PDZD7: variants seen among roughly 807,000 people sequenced by gnomAD.
The protein encoded by PDZD7 is PDZ domain containing 7.
Under a neutral mutation model 84.7 loss-of-function variants are expected in PDZD7, and 72 were observed. That is an observed-to-expected ratio of 0.85 (90% CI 0.70 to 1.03). The LOEUF is 1.03. Ranked by LOEUF, PDZD7 falls within the 50% of genes least tolerant of loss-of-function variation. The pLI is 0.00. For missense variants in PDZD7, 1,490 were observed against 1,412.9 expected (o/e 1.05, Z -0.87); for synonymous variants, 594 against 580.7 (o/e 1.02, Z -0.33).
intron 9 of PDZD7, 174 bp downstream of exon 9, chr10:101,017,906 AAGAAAGAAAAGAAAGAAAG>A (rs1295358032): frequency 2.1e-5 from 10 of 470,870 alleles, no homozygotes; most frequent in Middle Eastern, 5.7e-4. Flanking sequence ...GAAAGAAAGA[AAGAAAGAAAAGAAAGAAAG>A]AAAAAGAAAT....
In PDZD7 at chr10:101,008,770, CCGA is replaced by C. The variant is rs770336804; in HGVS notation, c.2796_2798del (p.Arg933del). Reference sequence around the variant, plus strand: ...GCTCCCGGGCCTTGTTTCGATAAGCCCGACGGATGGTGTCTACTGCACGCTGGT... The same window carrying C: ...GCTCCCGGGCCTTGTTTCGATAAGCCCGGATGGTGTCTACTGCACGCTGGT... On this transcript the variant is annotated inframe_deletion, in exon 17 of 17. Coordinates refer to ENST00000619208, the MANE Select transcript of PDZD7 (RefSeq NM_001195263.2). 21 of 1,535,494 alleles carry C rather than the reference CCGA, an allele frequency of 1.4e-5. 1 individual carries two copies. The Admixed American group carries it at 1.8e-4, about 13-fold the overall frequency.
rs1852402697 is a variant in PDZD7, at chr10:101,011,815, C to T, written c.1934-54G>A. On this transcript the variant is annotated intron_variant, in intron 13 of 16. Coordinates refer to ENST00000619208, the MANE Select transcript of PDZD7 (RefSeq NM_001195263.2). ...CAAGGTACCCCGCCAGGCTCCGGGA[C>T]GGAGGCAGCTCAAGGGGCTCGGCAA... 9.0e-6 allele frequency: 14 copies of T among 1,550,396 alleles called. 1 individual carries two copies. The South Asian group carries it at 1.5e-4, about 17-fold the overall frequency.
chr10:101,018,417 A>ACGC, intron 8 of PDZD7, 121 bp from the exon 9 acceptor site: 3 of 1,071,388 alleles, frequency 2.8e-6, no homozygotes, highest in South Asian at 2.8e-5. Context: ...ATCTGCAGCT[A>ACGC]CGCCGGGGTG....
At position 101,030,069 on chromosome 10, in the gene PDZD7, G is replaced by A. The variant is rs199892353; in HGVS notation, c.151C>T (p.Leu51=). 1 of 1,613,518 alleles carries A rather than the reference G, an allele frequency of 6.2e-7. No homozygotes were observed. Among genetic ancestry groups the A allele is most frequent in the Non-Finnish European group, 8.5e-7 (1 of 1,179,940 alleles). ...CGGATTCCGCGGGGGGGCCCGTTCA[G>A]CAGCCGTTGTTGCTTCCTTAGCAGG... ...RYLLRKQQRL[L]NGPPRGIRAS... Residue 51 remains leucine, a synonymous_variant, in exon 2 of 17, where the codon CTG becomes TTG. Transcript: ENST00000619208.
chr10:101,014,695 C>CACACAT lies in PDZD7; in HGVS notation c.1749+940_1749+941insATGTGT, dbSNP rs1554833924. Among the ~76,000 whole-genome samples, 40 of 151,562 alleles carry CACACAT rather than the reference C, an allele frequency of 2.6e-4. 1 individual carries two copies. The highest frequency in any genetic ancestry group is 6.8e-4 in the African/African-American group (28 of 41,254). ...GGACACACACACACACACACACACACGCTAGCCAGACACGTGCTTGCTCAC... is the reference window on the plus strand; with the variant it reads ...GGACACACACACACACACACACACACACACATGCTAGCCAGACACGTGCTTGCTCAC... On this transcript the variant is annotated intron_variant, in intron 11 of 16. Transcript: ENST00000619208.
At chr10:101,011,870 C>T in intron 13 of PDZD7, 55 bp downstream of exon 13, 7 of 1,549,356 alleles carry the variant, frequency 4.5e-6, no homozygotes, top group Non-Finnish European at 5.2e-6. Flanking sequence ...CACGGGGTCC[C>T]ATCCCCACCC....
chr10:101,018,442 C>T, intron 8 of PDZD7, 146 bp from the exon 9 acceptor site: 2 of 877,094 alleles, frequency 2.3e-6, no homozygotes, highest in South Asian at 1.6e-5. Flanking sequence ...TGCGGTTCCT[C>T]TTCCGACTTT....
At position 101,010,883 on chromosome 10, in the gene PDZD7, T is replaced by A; in HGVS notation, c.2006A>T (p.Asp669Val). ...PKRHLITPVP[D>V]SRGGFYLLPV... ...CAGCAGGTAGAAGCCTCCGCGGCTG[T>A]CTGGGGAAGAGCGCCAAGGTCAGCT... Residue 669 changes from aspartate to valine, a missense_variant and splice_region_variant, in exon 15 of 17, where the codon GAC (aspartate) becomes GTC (valine). Coordinates refer to ENST00000619208, the MANE Select transcript of PDZD7 (RefSeq NM_001195263.2). 4 of 1,533,636 alleles carry A rather than the reference T, an allele frequency of 2.6e-6. No individual in the cohort carries two copies. The highest frequency in any genetic ancestry group is 2.6e-6 in the Non-Finnish European group (3 of 1,146,776).
At chr10:101,027,482 C>T (rs1226990082) in intron 2 of PDZD7, among the ~76,000 whole-genome samples, 1 of 152,198 alleles carries the variant, frequency 6.6e-6, no homozygotes, top group Non-Finnish European at 1.5e-5. Flanking sequence ...TGTAGGGCTT[C>T]TCAAAGCGTA....
Position 101,009,293 on chromosome 10 carries a change from T to G in PDZD7, c.2675A>C (p.Lys892Thr), listed in dbSNP as rs914064629. The change falls in exon 16 of 17, where the codon AAG (lysine) becomes ACG (threonine). Residue 892 changes from lysine to threonine, a missense_variant. Physicochemically the swap from Lys to Thr is moderately conservative, Grantham distance 78. Coordinates refer to ENST00000619208, the MANE Select transcript of PDZD7 (RefSeq NM_001195263.2). ...GAAAGCGGCCCCCCCAGGGAAGATC[T>G]TCTCTATCTTCACCATGGGCTGCAC... is the stretch of plus-strand genomic sequence containing the variant. Reference protein sequence around the residue: ...SKVQPMVKIEKIFPGGAAFLS... With the variant: ...SKVQPMVKIETIFPGGAAFLS... 56 of 1,535,764 alleles carry G rather than the reference T, an allele frequency of 3.6e-5. No homozygotes were observed. Among genetic ancestry groups the G allele is most frequent in the Non-Finnish European group, 4.8e-5 (55 of 1,146,726 alleles).
Position 101,023,977 on chromosome 10 carries a change from C to T in PDZD7, c.318G>A (p.Glu106=), listed in dbSNP as rs769439906. 6.2e-7 allele frequency: 1 copy of T among 1,614,278 alleles called. No homozygotes were observed. The highest frequency in any genetic ancestry group is 8.5e-7 in the Non-Finnish European group (1 of 1,180,046). ...TGCTGACGAAGATGCCCAGGCCATG[C>T]TCTGAGCCCCCGCGCACGCTGAAGC... ...RLGFSVRGGS[E]HGLGIFVSKV... Residue 106 remains glutamate (E), a synonymous_variant, in exon 3 of 17, where the codon GAG becomes GAA. Transcript: ENST00000619208.
chr10:101,020,507 G>T, intron 7 of PDZD7, 111 bp downstream of exon 7: 2 of 1,021,738 alleles, frequency 2.0e-6, no homozygotes, highest in Middle Eastern at 2.6e-4. Flanking sequence ...CAAAATGCTG[G>T]GATTACAGGT....
chr10:101,018,682 C>T (rs1276981985), intron 8 of PDZD7, 140 bp downstream of exon 8: 1 of 1,143,850 alleles, frequency 8.7e-7, no homozygotes, highest in Non-Finnish European at 1.2e-6. Flanking sequence ...ACAGCAGGGT[C>T]TGAGCAGCCT....
chr10:101,010,740 GA>G lies in PDZD7; in HGVS notation c.2148del (p.Leu717TyrfsTer6), dbSNP rs1177622557. 6.1e-5 allele frequency: 75 copies of G among 1,230,238 alleles called. No homozygotes were observed. Among genetic ancestry groups the G allele is most frequent in the Non-Finnish European group, 7.8e-5 (72 of 926,194 alleles). 76.2% of individuals were successfully genotyped at this position (1,230,238 alleles called of 1,614,324 possible). On this transcript the variant is annotated frameshift_variant, in exon 15 of 17. Transcript: ENST00000619208. LOFTEE classifies it high-confidence loss of function. The part of the protein sequence containing the change: ...APRHPHKGIP[P>X]LQDVPVDAFT... ...AAGGCATCTACTGGCACGTCTTGTA[GA>G]GGGGGGATCCCTTTATGGGGGTGGC...
intron 2 of PDZD7, 149 bp downstream of exon 2, chr10:101,029,845 A>T: frequency 1.3e-6 from 1 of 773,316 alleles, no homozygotes; most frequent in Non-Finnish European, 2.1e-6. Context: ...GGAAGAGTGT[A>T]TGGGTTCCCA....
chr10:101,022,150 C>G, intron 5 of PDZD7, 59 bp downstream of exon 5: 1 of 1,607,616 alleles, frequency 6.2e-7, no homozygotes, highest in Non-Finnish European at 8.5e-7. Flanking sequence ...CCAGCCTAGG[C>G]CCCACTCCAG....
In PDZD7 at chr10:101,010,584, G is replaced by A. The variant is rs945867725; in HGVS notation, c.2305C>T (p.Arg769Trp). The change falls in exon 15 of 17, where the codon CGG becomes TGG. Residue 769 changes from arginine (R) to tryptophan (W), a missense_variant. Physicochemically the swap from Arg to Trp is moderately radical, Grantham distance 101. Coordinates refer to ENST00000619208, the MANE Select transcript of PDZD7 (RefSeq NM_001195263.2). ...CGGCTGCGGCTACGGCTCTGAGCCC[G>A]GCCCCGGATCTGGCTCTGCGGAGGG... is the stretch of plus-strand genomic sequence containing the variant. ...EHPPQSQIRG[R>W]AQSRSRSRSR... The A allele has an allele frequency of 4.6e-6, 7 of 1,514,946 alleles. No homozygotes were observed. The highest frequency in any genetic ancestry group is 2.5e-5 in the East Asian group (1 of 40,546). The allele number at this position is 1,514,946 out of a possible 1,614,324, so 93.8% of individuals were successfully genotyped here. A position where few individuals can be genotyped will look rare whatever the true frequency, so the allele number is the denominator to read the frequency against.
At chr10:101,023,638 A>T (rs751588714) in intron 3 of PDZD7, 28 bp from the exon 4 acceptor site, 1 of 1,607,666 alleles carries the variant, frequency 6.2e-7, no homozygotes, top group Non-Finnish European at 8.5e-7. Flanking sequence ...AGTGGCTGGC[A>T]TGGGTCCCCA....
In PDZD7 at chr10:101,010,428, G is replaced by A. The variant is rs1451458453; in HGVS notation, c.2461C>T (p.Pro821Ser). ...TCCCCATCCAGAGGTCGTGGCAGAG[G>A]GGGTCTGGCCTTCCGAGGCTTGTGG... ...RYHKPRKARPPLPRPLDGEAA... is the reference protein window; with the variant it reads ...RYHKPRKARPSLPRPLDGEAA... The change falls in exon 15 of 17, where the codon CCT becomes TCT. Residue 821 changes from proline to serine, a missense_variant. Physicochemically the swap from Pro to Ser is moderately conservative, Grantham distance 74. Coordinates refer to ENST00000619208, the MANE Select transcript of PDZD7 (RefSeq NM_001195263.2). 2.6e-6 allele frequency: 4 copies of A among 1,536,002 alleles called. No homozygotes were observed. The highest frequency in any genetic ancestry group is 1.4e-5 in the African/African-American group (1 of 73,028).
Sources: gnomAD v4.1 joint callset for allele counts (sites outside exome capture counted in the v4.1 genomes callset) on GRCh38, gnomAD v4.1.1 for gene constraint, MANE v1.5 for transcripts, NCBI Gene and HGNC (gene_info 2026-07-23, HGNC 2026-07-21) for gene names.